TASOR: variants seen among roughly 807,000 people sequenced by gnomAD.
TASOR encodes the protein protein TASOR.
In TASOR, 53 loss-of-function variants were observed where a neutral mutation model predicts 178.6. The observed-to-expected ratio is 0.30, with a 90% CI of 0.24 to 0.37. The LOEUF (loss-of-function observed/expected upper bound fraction) is 0.37. TASOR is among the 10% of genes least tolerant of loss of function. The pLI, the probability that TASOR is intolerant of heterozygous loss-of-function variation, is 1.00. For missense variants in TASOR, 1,815 were observed against 1,971.4 expected, an observed-to-expected ratio of 0.92 and a Z score of 1.50; for synonymous variants, 713 against 696.2, an observed-to-expected ratio of 1.02 and a Z score of -0.38.
Position 56,682,746 on chromosome 3 carries a change from T to C in TASOR, c.261A>G (p.Arg87=). 1.3e-6 allele frequency: 2 copies of C among 1,533,010 alleles called. No homozygotes were observed. The highest frequency in any genetic ancestry group is 2.5e-5 in the East Asian group (1 of 40,528). The allele number at this position is 1,533,010 out of a possible 1,614,324, so 95.0% of individuals were successfully genotyped here. A position where few individuals can be genotyped will look rare whatever the true frequency, so the allele number is the denominator to read the frequency against. Residue 87 remains arginine (R), a synonymous_variant, in exon 1 of 24, where the codon AGA becomes AGG. Transcript: ENST00000683822. The part of the protein sequence containing the change: ...SSEAGAAALP[R]GPEEPERPVR... ...CAGGCCTTTCGGGCTCTTCGGGGCC[T>C]CTGGGCAGGGCGGCCGCGCCCGCCT...
At chr3:56,645,673 AAAAC>A (rs2077221289) in intron 14 of TASOR, among the ~76,000 whole-genome samples, 1 of 152,202 alleles carries the variant, frequency 6.6e-6, no homozygotes, top group Admixed American at 6.5e-5. Flanking sequence ...TCTGTCAACT[AAAAC>A]AAAACAAAGG....
At chr3:56,680,764 T>C (rs2031711593) in intron 1 of TASOR, among the ~76,000 whole-genome samples, 1 of 152,096 alleles carries the variant, frequency 6.6e-6, no homozygotes, top group African/African-American at 2.4e-5. Flanking sequence ...AGTTAAAAAT[T>C]GCTCATTTTC....
intron 17 of TASOR, among the ~76,000 whole-genome samples, chr3:56,637,019 C>T (rs1478881055): frequency 6.6e-6 from 1 of 152,066 alleles, no homozygotes; most frequent in Non-Finnish European, 1.5e-5. Context: ...AAAAGAATTA[C>T]TGATAGATGC....
chr3:56,682,544 G>A (rs1227250960), intron 1 of TASOR, 132 bp downstream of exon 1: 1 of 831,342 alleles, frequency 1.2e-6, no homozygotes, highest in Non-Finnish European at 1.7e-6. Flanking sequence ...CCGTGGCGGT[G>A]AGGGGAGAGG....
rs2076364386 is a variant in TASOR at position 56,620,738 on chromosome 3, A to ATT, written c.*2297_*2298dup. 2 of 152,222 alleles carry ATT rather than the reference A, an allele frequency of 1.3e-5. No homozygotes were observed. The highest frequency in any genetic ancestry group is 2.9e-5 in the Non-Finnish European group (2 of 68,070). The allele number at this position is 152,222 out of a possible 1,614,324, so 9.4% of individuals were successfully genotyped here. ...TACTTCTTGCTTAGTGGAGACAAAAATTGTGAGATAAAGAGGAAGGAATAG... is the reference window on the plus strand; with the variant it reads ...TACTTCTTGCTTAGTGGAGACAAAAATTTTGTGAGATAAAGAGGAAGGAATAG... On this transcript the variant is annotated 3_prime_UTR_variant, in exon 24 of 24. Transcript: ENST00000683822.
intron 17 of TASOR, among the ~76,000 whole-genome samples, chr3:56,635,079 A>G (rs1324214091): frequency 1.3e-5 from 2 of 152,322 alleles, no homozygotes; most frequent in East Asian, 1.9e-4. Flanking sequence ...AGGTACAGGT[A>G]GTTTTCAAAC....
Position 56,683,018 on chromosome 3 carries a change from A to G in TASOR, c.-12T>C. 1 of 1,527,646 alleles carries G rather than the reference A, an allele frequency of 6.5e-7. No individual in the cohort carries two copies. Among genetic ancestry groups the G allele is most frequent in the Non-Finnish European group, 8.8e-7 (1 of 1,135,528 alleles). The allele number at this position is 1,527,646 out of a possible 1,614,324, so 94.6% of individuals were successfully genotyped here. A position where few individuals can be genotyped will look rare whatever the true frequency, so the allele number is the denominator to read the frequency against. ...ACAGCAGTCGCCATCGCGCCGGCCT[A>G]AGGAGCTCTGGGAAGCTTCTGCCCA... is the stretch of plus-strand genomic sequence containing the variant. On this transcript the variant is annotated 5_prime_UTR_variant, in exon 1 of 24. Transcript: ENST00000683822.
At chr3:56,636,281 C>CAA (rs201891438) in intron 17 of TASOR, among the ~76,000 whole-genome samples, 30 of 137,412 alleles carry the variant, frequency 2.2e-4, no homozygotes, top group African/African-American at 6.9e-4. Flanking sequence ...GATTCTGTTG[C>CAA]AAAAAAAAAT....
In TASOR at chr3:56,627,230, T is replaced by C. The variant is rs889179760; in HGVS notation, c.4031-85A>G. The C allele has an allele frequency of 6.3e-6, 5 of 792,842 alleles. No individual in the cohort carries two copies. The African/African-American group carries it at 8.7e-5, about 14-fold the overall frequency. 49.1% of individuals were successfully genotyped at this position (792,842 alleles called of 1,614,324 possible). A position where few individuals can be genotyped will look rare whatever the true frequency, so the allele number is the denominator to read the frequency against. Reference sequence around the variant, plus strand: ...ATGAAAGAAGTGTTTTTTCATATTATGTAGAAACACCTACTTTCCTATGTA... The same window carrying C: ...ATGAAAGAAGTGTTTTTTCATATTACGTAGAAACACCTACTTTCCTATGTA... On this transcript the variant is annotated intron_variant, in intron 20 of 23. Coordinates refer to ENST00000683822, the MANE Select transcript of TASOR (RefSeq NM_001365635.2).
chr3:56,679,036 A>G (rs2107645362), intron 1 of TASOR, among the ~76,000 whole-genome samples: 1 of 151,632 alleles, frequency 6.6e-6, no homozygotes, highest in South Asian at 2.1e-4. Context: ...AGACATACAA[A>G]TGGGTCATAC....
intron 19 of TASOR, 58 bp from the exon 20 acceptor site, chr3:56,627,799 A>T: frequency 1.3e-6 from 2 of 1,519,438 alleles, no homozygotes; most frequent in Non-Finnish European, 1.8e-6. Flanking sequence ...TGACAGACTC[A>T]AGTGTGAAGG....
intron 11 of TASOR, among the ~76,000 whole-genome samples, chr3:56,654,667 A>G (rs1162583358): frequency 6.6e-6 from 1 of 152,126 alleles, no homozygotes; most frequent in Non-Finnish European, 1.5e-5. Context: ...GCCATATCCA[A>G]TCAGCTGAAG....
chr3:56,641,484 A>G lies in TASOR; in HGVS notation c.2484T>C (p.Pro828=). Residue 828 remains proline, a synonymous_variant, in exon 15 of 24, where the codon CCT becomes CCC. Coordinates refer to ENST00000683822, the MANE Select transcript of TASOR (RefSeq NM_001365635.2). ...STPDKKDYEQ[P]TCAKVENAQF... is the part of the protein sequence containing the mutation. ...GTGCATTTTCAACTTTTGCACAAGTAGGCTGCTCATAGTCTTTCTTATCTG... is the reference window on the plus strand; with the variant it reads ...GTGCATTTTCAACTTTTGCACAAGTGGGCTGCTCATAGTCTTTCTTATCTG... 6.2e-7 allele frequency: 1 copy of G among 1,613,814 alleles called. No homozygotes were observed. Among genetic ancestry groups the G allele is most frequent in the South Asian group, 1.1e-5 (1 of 91,082 alleles).
At position 56,620,917 on chromosome 3, in the gene TASOR, C is replaced by T; in HGVS notation, c.*2120G>A. The stretch of plus-strand genomic sequence containing the variant: ...CCTGTAATCCCAGCACTTTGGGAGG[C>T]TGAGGCAGGCAGATCATGAGGTCAG... On this transcript the variant is annotated 3_prime_UTR_variant, in exon 24 of 24. Coordinates refer to ENST00000683822, the MANE Select transcript of TASOR (RefSeq NM_001365635.2). The T allele has an allele frequency of 6.6e-6, 1 of 152,544 alleles. No individual in the cohort carries two copies. Among genetic ancestry groups the T allele is most frequent in the Non-Finnish European group, 1.5e-5 (1 of 68,406 alleles). 9.4% of individuals were successfully genotyped at this position (152,544 alleles called of 1,614,324 possible). A position where few individuals can be genotyped will look rare whatever the true frequency, so the allele number is the denominator to read the frequency against.
chr3:56,676,153 A>AACTGT (rs10662020), intron 1 of TASOR, among the ~76,000 whole-genome samples: 40,553 of 151,966 alleles, frequency 0.27, 6,180 homozygotes, highest in South Asian at 0.51. Flanking sequence ...TGAGAGCAGG[A>AACTGT]ACCTGCCTTG....
intron 1 of TASOR, among the ~76,000 whole-genome samples, chr3:56,677,561 G>C (rs184977064): frequency 6.6e-6 from 1 of 152,314 alleles, no homozygotes; most frequent in East Asian, 1.9e-4. Flanking sequence ...TCAAATTCAA[G>C]TGGTTAAGCT....
At chr3:56,644,336 G>T (rs1243594598) in intron 14 of TASOR, among the ~76,000 whole-genome samples, 1 of 152,044 alleles carries the variant, frequency 6.6e-6, no homozygotes, top group Admixed American at 6.5e-5. Context: ...AGATAAGACA[G>T]TATGTGTCAG....
At chr3:56,682,587 G>A in intron 1 of TASOR, 89 bp downstream of exon 1, 5 of 1,176,274 alleles carry the variant, frequency 4.3e-6, no homozygotes, top group Non-Finnish European at 5.6e-6. Context: ...TACGTATCTC[G>A]GATGGGTGTG....
intron 18 of TASOR, among the ~76,000 whole-genome samples, chr3:56,632,248 G>A (rs988962325): frequency 6.6e-6 from 1 of 151,962 alleles, no homozygotes; most frequent in African/African-American, 2.4e-5. Context: ...TGAGGTGGAC[G>A]GATCACGAGG....
Sources: allele counts gnomAD v4.1 joint callset (sites outside exome capture counted in the v4.1 genomes callset), GRCh38; gene constraint gnomAD v4.1.1; transcripts MANE v1.5; gene names NCBI Gene and HGNC (gene_info 2026-07-23, HGNC 2026-07-21).